The following FAM83G variants were observed in gnomAD, a reference collection of about 807,000 sequenced individuals.
The protein encoded by FAM83G is protein FAM83G.
Under a neutral mutation model 61.5 loss-of-function variants are expected in FAM83G, and 38 were observed. The observed-to-expected ratio is 0.62, with a 90% CI of 0.48 to 0.81. The LOEUF is 0.81. Ranked by LOEUF, FAM83G falls within the 30% of genes least tolerant of loss-of-function variation. The pLI is 0.00. For missense variants in FAM83G, 989 were observed against 1,133.6 expected, an observed-to-expected ratio of 0.87 and a Z score of 1.83; for synonymous variants, 470 against 476.1, an observed-to-expected ratio of 0.99 and a Z score of 0.17.
In FAM83G at chr17:19,004,069, G is replaced by T; in HGVS notation, c.-28C>A. 1 of 1,554,124 alleles carries T rather than the reference G, an allele frequency of 6.4e-7. No individual in the cohort carries two copies. Among genetic ancestry groups the T allele is most frequent in the Non-Finnish European group, 8.7e-7 (1 of 1,149,720 alleles). ...CGCCGCCTGCCCGGGCACTGCTGCCGGGGGTGGGTGGGCAAGGTCCAGCTC... is the reference window on the plus strand; with the variant it reads ...CGCCGCCTGCCCGGGCACTGCTGCCTGGGGTGGGTGGGCAAGGTCCAGCTC... On this transcript the variant is annotated 5_prime_UTR_variant, in exon 2 of 6. Coordinates refer to ENST00000388995, the MANE Select transcript of FAM83G (RefSeq NM_001039999.3). This position sits in a 1 kb window ranked among gnomAD's most constrained non-coding sequence, Gnocchi z 5.4.
Position 19,004,751 on chromosome 17 carries a change from G to A in FAM83G, c.-171C>T, listed in dbSNP as rs919670419. 2.4e-3 allele frequency: 367 copies of A among 149,954 alleles called. No homozygotes were observed. The highest frequency in any genetic ancestry group is 8.8e-3 in the African/African-American group (362 of 41,248). 9.3% of individuals were successfully genotyped at this position (149,954 alleles called of 1,614,324 possible). A position where few individuals can be genotyped will look rare whatever the true frequency, so the allele number is the denominator to read the frequency against. ...AGCGGGGCGCACACGCGGCGGCTGC[G>A]GCGGCGGCGCGAGGCTGGGCGGGGG... On this transcript the variant is annotated 5_prime_UTR_variant, in exon 1 of 6. Transcript: ENST00000388995. The surrounding 1 kb of genome is among the most constrained non-coding windows in gnomAD (Gnocchi z 5.4).
chr17:18,979,046 C>T lies in FAM83G; in HGVS notation c.816-196G>A, dbSNP rs1236096961. 1.6e-4 allele frequency: 98 copies of T among 623,336 alleles called. 1 individual carries two copies. In the Admixed American group the frequency reaches 2.8e-3, roughly 18 times the overall value. The allele number at this position is 623,336 out of a possible 1,614,324, so 38.6% of individuals were successfully genotyped here. On this transcript the variant is annotated intron_variant, in intron 4 of 5. Transcript: ENST00000388995. ...TCAAGCAAGTTGGTTGCACCAAGCC[C>T]ATTCCCACCTCTGCAAATGACAGGG...
At position 18,971,452 on chromosome 17, in the gene FAM83G, C is replaced by G; in HGVS notation, c.2379G>C (p.Ser793=). Residue 793 remains serine (S), a synonymous_variant, in exon 6 of 6, where the codon TCG becomes TCC. Transcript: ENST00000388995. This position sits in a 1 kb window ranked among gnomAD's most constrained non-coding sequence, Gnocchi z 5.5. ...CGCCCGTCCTGGCCTTTAGGTGCTT[C>G]GACTGAGACAGTTTGGAGTATGGGA... is the stretch of plus-strand genomic sequence containing the variant. ...FGIPYSKLSQ[S]KHLKARTGGS... The G allele has an allele frequency of 6.2e-7, 1 of 1,613,936 alleles. No homozygotes were observed. Among genetic ancestry groups the G allele is most frequent in the South Asian group, 1.1e-5 (1 of 91,084 alleles).
Position 19,003,863 on chromosome 17 carries a change from G to A in FAM83G, c.179C>T (p.Ser60Leu). 1 of 1,613,034 alleles carries A rather than the reference G, an allele frequency of 6.2e-7. No individual in the cohort carries two copies. Among genetic ancestry groups the A allele is most frequent in the Non-Finnish European group, 8.5e-7 (1 of 1,179,930 alleles). Reference protein sequence around the residue: ...LKRENIRDFLSELELKRILET... With the variant: ...LKRENIRDFLLELELKRILET... ...CAGGATGCGCTTGAGCTCCAGCTCCGAGAGGAAGTCTCGGATGTTCTCCCG... is the reference window on the plus strand; with the variant it reads ...CAGGATGCGCTTGAGCTCCAGCTCCAAGAGGAAGTCTCGGATGTTCTCCCG... The change falls in exon 2 of 6, where the codon TCG (serine) becomes TTG (leucine). Residue 60 changes from serine (S) to leucine (L), a missense_variant. Transcript: ENST00000388995. This position sits in a 1 kb window ranked among gnomAD's most constrained non-coding sequence, Gnocchi z 4.5.
chr17:18,994,965 C>A (rs567349230), intron 2 of FAM83G, among the ~76,000 whole-genome samples: 37 of 152,328 alleles, frequency 2.4e-4, no homozygotes, highest in African/African-American at 7.7e-4. Context: ...TGCTCTGGTC[C>A]TGCCTAATAA....
chr17:18,986,543 T>C (rs1597865949), intron 3 of FAM83G, among the ~76,000 whole-genome samples: 1 of 152,292 alleles, frequency 6.6e-6, no homozygotes, highest in South Asian at 2.1e-4. Context: ...TCAAGGCCCC[T>C]TCAGGCCCAG....
At chr17:18,995,806 G>A (rs915070765) in intron 2 of FAM83G, among the ~76,000 whole-genome samples, 12 of 152,088 alleles carry the variant, frequency 7.9e-5, no homozygotes, top group East Asian at 1.9e-4. Context: ...TACTTGGGAG[G>A]CTGAGGCAGG....
intron 5 of FAM83G, chr17:18,976,849 C>A: frequency 6.2e-7 from 1 of 1,613,198 alleles, no homozygotes; most frequent in Non-Finnish European, 8.5e-7. Context: ...GCACTCCACC[C>A]CCAGGTCATC....
chr17:18,988,140 G>A, intron 3 of FAM83G, 107 bp downstream of exon 3: 1 of 1,484,364 alleles, frequency 6.7e-7, no homozygotes, highest in Middle Eastern at 2.5e-4. Flanking sequence ...GACTCTGAGT[G>A]CCTGGCACAG....
chr17:19,001,030 G>T (rs1289102829), intron 2 of FAM83G, among the ~76,000 whole-genome samples: 2 of 152,190 alleles, frequency 1.3e-5, no homozygotes, highest in East Asian at 3.8e-4. Context: ...GGGAAACACA[G>T]GCCTGGTCCC....
At chr17:18,975,160 G>A (rs767761220) in intron 5 of FAM83G, among the ~76,000 whole-genome samples, 17 of 152,214 alleles carry the variant, frequency 1.1e-4, no homozygotes, top group African/African-American at 2.9e-4. Flanking sequence ...CAGAACCACC[G>A]TCTAACTCTC....
Position 18,996,260 on chromosome 17 carries a change from T to TCCCTCCTCCAGCTGCAACC in FAM83G, c.522+7241_522+7259dup, listed in dbSNP as rs2043569762. Among the ~76,000 whole-genome samples the TCCCTCCTCCAGCTGCAACC allele has an allele frequency of 6.6e-6, 1 of 151,910 alleles. No individual in the cohort carries two copies. The highest frequency in any genetic ancestry group is 1.5e-5 in the Non-Finnish European group (1 of 67,968). ...GAATTCATTACCAGCAGACCCGCAC[T>TCCCTCCTCCAGCTGCAACC]CCCTCCTCCAGCTGCAACCCCCTCC... is the stretch of plus-strand genomic sequence containing the variant. On this transcript the variant is annotated intron_variant, in intron 2 of 5. Transcript: ENST00000388995. This position sits in a 1 kb window ranked among gnomAD's most constrained non-coding sequence, Gnocchi z 4.4.
chr17:18,999,113 A>G (rs2043652432), intron 2 of FAM83G, among the ~76,000 whole-genome samples: 1 of 152,158 alleles, frequency 6.6e-6, no homozygotes, highest in African/African-American at 2.4e-5. Context: ...CCCCGTTTCT[A>G]TTAAAAATAC....
chr17:18,986,722 T>A (rs996451507), intron 3 of FAM83G, among the ~76,000 whole-genome samples: 3 of 152,200 alleles, frequency 2.0e-5, no homozygotes, highest in Non-Finnish European at 4.4e-5. Context: ...ACCGACAGGC[T>A]TGCTCCCTGC....
At chr17:18,975,580 G>A (rs1008178352) in intron 5 of FAM83G, 1 of 152,164 alleles carries the variant, frequency 6.6e-6, no homozygotes, top group Non-Finnish European at 1.5e-5. Flanking sequence ...TGTAATCCCA[G>A]CTACTTGGGA....
At chr17:18,974,832 C>A (rs906478935) in intron 5 of FAM83G, among the ~76,000 whole-genome samples, 23 of 152,176 alleles carry the variant, frequency 1.5e-4, no homozygotes, top group African/African-American at 5.1e-4. Flanking sequence ...CCGGCTTCCT[C>A]AGGGAAGAGC....
At chr17:18,998,637 T>C (rs2043632836) in intron 2 of FAM83G, among the ~76,000 whole-genome samples, 1 of 152,190 alleles carries the variant, frequency 6.6e-6, no homozygotes, top group African/African-American at 2.4e-5. Context: ...TCCTTAGAGC[T>C]CCTTCCTCGA....
In FAM83G at chr17:19,000,022, C is replaced by G. The variant is rs2043689033; in HGVS notation, c.522+3498G>C. Among the ~76,000 whole-genome samples, 1 of 152,256 alleles carries G rather than the reference C, an allele frequency of 6.6e-6. No individual in the cohort carries two copies. Among genetic ancestry groups the G allele is most frequent in the African/African-American group, 2.4e-5 (1 of 41,470 alleles). On this transcript the variant is annotated intron_variant, in intron 2 of 5. Coordinates refer to ENST00000388995, the MANE Select transcript of FAM83G (RefSeq NM_001039999.3). This position sits in a 1 kb window ranked among gnomAD's most constrained non-coding sequence, Gnocchi z 5.2. Reference sequence around the variant, plus strand: ...CAGCTCTGGCTGAGGAAGCCCCAACCCAGCCCAGCCTCACGCCTTCTCAGG... The same window carrying G: ...CAGCTCTGGCTGAGGAAGCCCCAACGCAGCCCAGCCTCACGCCTTCTCAGG...
At chr17:18,995,481 G>C (rs543403738) in intron 2 of FAM83G, among the ~76,000 whole-genome samples, 9 of 152,292 alleles carry the variant, frequency 5.9e-5, no homozygotes, top group African/African-American at 2.2e-4. Context: ...AGCAAACTGT[G>C]GGTCAACTTC....
Sources: gnomAD v4.1 joint callset for allele counts (sites outside exome capture counted in the v4.1 genomes callset) on GRCh38, gnomAD v4.1.1 for gene constraint, Gnocchi (gnomAD v3.1) non-coding constraint, MANE v1.5 for transcripts, NCBI Gene and HGNC (gene_info 2026-07-23, HGNC 2026-07-21) for gene names.